The following CNOT9 variants were observed in gnomAD, a reference collection of about 807,000 sequenced individuals.
The protein encoded by CNOT9 is RCD1 required for cell differentiation1 homolog.
In CNOT9, 8 loss-of-function variants were observed where a neutral mutation model predicts 37.4. The ratio of observed to expected loss-of-function variants is 0.21; its 90% CI spans 0.13 to 0.39. CNOT9 has a LOEUF of 0.39. CNOT9 is among the 10% of genes least tolerant of loss of function. The pLI, the probability that CNOT9 is intolerant of heterozygous loss-of-function variation, is 1.00. For missense variants in CNOT9, 154 were observed against 365.3 expected, an observed-to-expected ratio of 0.42 and a Z score of 4.71; for synonymous variants, 120 against 137.6, an observed-to-expected ratio of 0.87 and a Z score of 0.90.
intron 1 of CNOT9, among the ~76,000 whole-genome samples, chr2:218,571,613 C>T (rs1445158763): frequency 6.6e-6 from 1 of 150,548 alleles, no homozygotes; most frequent in Non-Finnish European, 1.5e-5. Context: ...CTCTTGTTGC[C>T]CAGGCTGGTG....
At chr2:218,587,336 T>G in intron 4 of CNOT9, 1 of 483,318 alleles carries the variant, frequency 2.1e-6, no homozygotes, top group Non-Finnish European at 2.8e-6. Context: ...TTGGCCAGGC[T>G]GATCTTGAAC....
Position 218,592,609 on chromosome 2 carries a change from G to A in CNOT9, c.640-7G>A. ...TCCAACCCCTCCCCTTATTTTGGGG[G>A]AAACAGGGTAAGATGGTCCTGCAGC... is the stretch of plus-strand genomic sequence containing the variant. On this transcript the variant is annotated splice_region_variant and splice_polypyrimidine_tract_variant and intron_variant, in intron 6 of 7. Transcript: ENST00000273064. The surrounding 1 kb of genome is among the most constrained non-coding windows in gnomAD (Gnocchi z 4.1). 1 of 1,613,972 alleles carries A rather than the reference G, an allele frequency of 6.2e-7. No individual in the cohort carries two copies. The highest frequency in any genetic ancestry group is 8.5e-7 in the Non-Finnish European group (1 of 1,179,850).
intron 1 of CNOT9, among the ~76,000 whole-genome samples, chr2:218,579,778 C>T (rs946198349): frequency 2.6e-5 from 4 of 152,116 alleles, no homozygotes; most frequent in Admixed American, 6.5e-5. Context: ...TGAGCCACCA[C>T]GCCTGGCCCA....
chr2:218,592,369 G>C lies in CNOT9; in HGVS notation c.606G>C (p.Thr202=). ...CTGGTTTGGCTTATATATGTCAGAC[G>C]TATGAGCGTTTCTCCCATGTTGCCA... ...DDTGLAYICQ[T]YERFSHVAMI... Residue 202 remains threonine, a synonymous_variant, in exon 6 of 8, where the codon ACG becomes ACC. Transcript: ENST00000273064. This position sits in a 1 kb window ranked among gnomAD's most constrained non-coding sequence, Gnocchi z 4.1. 1.2e-6 allele frequency: 2 copies of C among 1,614,040 alleles called. No homozygotes were observed. The highest frequency in any genetic ancestry group is 4.5e-5 in the East Asian group (2 of 44,870).
At chr2:218,576,754 G>A (rs1289921674) in intron 1 of CNOT9, among the ~76,000 whole-genome samples, 1 of 152,154 alleles carries the variant, frequency 6.6e-6, no homozygotes, top group Admixed American at 6.5e-5. Context: ...GATCACTTCA[G>A]GTCAGGAGTT....
intron 3 of CNOT9, 59 bp from the exon 4 acceptor site, chr2:218,584,553 A>G (rs1197204081): frequency 1.5e-5 from 19 of 1,249,132 alleles, no homozygotes; most frequent in Non-Finnish European, 2.2e-5. Flanking sequence ...GAAATTTGAA[A>G]GTTCAGGATC....
chr2:218,589,639 T>C (rs903694258), intron 5 of CNOT9, among the ~76,000 whole-genome samples: 8 of 152,212 alleles, frequency 5.3e-5, no homozygotes, highest in Admixed American at 2.6e-4. Context: ...GACCAATTTA[T>C]TGTTTTTAAA....
At chr2:218,591,875 A>G (rs1274305639) in intron 5 of CNOT9, among the ~76,000 whole-genome samples, 8 of 152,256 alleles carry the variant, frequency 5.3e-5, no homozygotes, top group Non-Finnish European at 1.0e-4. Flanking sequence ...CTTGGATCTC[A>G]GCTGTGCCAT....
chr2:218,575,333 T>C (rs1159208080), intron 1 of CNOT9, among the ~76,000 whole-genome samples: 4 of 152,096 alleles, frequency 2.6e-5, no homozygotes, highest in Admixed American at 2.6e-4. Context: ...GTTTTTGCAG[T>C]TGTGTATTTT....
rs554618063 is a variant in CNOT9 at position 218,585,560 on chromosome 2, G to A, written c.430+839G>A. Among the ~76,000 whole-genome samples the A allele has an allele frequency of 4.6e-5, 6 of 129,798 alleles. 1 individual carries two copies. In the South Asian group the frequency reaches 1.1e-3, roughly 24 times the overall value. 85.2% of individuals were successfully genotyped at this position (129,798 alleles called of 152,430 possible). On this transcript the variant is annotated intron_variant, in intron 4 of 7. Coordinates refer to ENST00000273064, the MANE Select transcript of CNOT9 (RefSeq NM_005444.3). ...CACGCCACTGCACTCCAGCCTGGGC[G>A]GCAGAGGGAGACTCAAAAAAAAAAA...
intron 1 of CNOT9, among the ~76,000 whole-genome samples, chr2:218,569,207 G>A (rs1034474486): frequency 2.0e-5 from 3 of 152,204 alleles, no homozygotes; most frequent in African/African-American, 7.2e-5. Context: ...GTTCTTTGCG[G>A]GCGCCGGGGC....
At chr2:218,581,229 T>C (rs1574989806) in intron 2 of CNOT9, 1 of 232,408 alleles carries the variant, frequency 4.3e-6, no homozygotes. Flanking sequence ...AGTGCAATGG[T>C]GCAATCCCGG....
At chr2:218,585,365 C>T (rs969424370) in intron 4 of CNOT9, among the ~76,000 whole-genome samples, 3 of 152,038 alleles carry the variant, frequency 2.0e-5, no homozygotes, top group African/African-American at 4.8e-5. Flanking sequence ...GTCAGTTCAC[C>T]CAGTTAAATT....
At chr2:218,580,437 G>A (rs1324087665) in intron 1 of CNOT9, 124 bp from the exon 2 acceptor site, 18 of 703,664 alleles carry the variant, frequency 2.6e-5, no homozygotes, top group Non-Finnish European at 3.2e-5. Context: ...GACATCAAAT[G>A]TATGTATTTA....
At position 218,571,553 on chromosome 2, in the gene CNOT9, G is replaced by A. The variant is rs193281021; in HGVS notation, c.24+2575G>A. On this transcript the variant is annotated intron_variant, in intron 1 of 7. Coordinates refer to ENST00000273064, the MANE Select transcript of CNOT9 (RefSeq NM_005444.3). ...AGTAGTCGTATGCTAGAAATGTTTA[G>A]TGTAGTAGGCTTTTGTGATTCTTTT... is the stretch of plus-strand genomic sequence containing the variant. Among the ~76,000 whole-genome samples, 15 of 150,950 alleles carry A rather than the reference G, an allele frequency of 9.9e-5. No homozygotes were observed. The East Asian group carries it at 2.6e-3, about 26-fold the overall frequency.
intron 7 of CNOT9, chr2:218,593,599 A>G: frequency 4.1e-6 from 6 of 1,474,138 alleles, no homozygotes; most frequent in Non-Finnish European, 4.5e-6. Flanking sequence ...ATCTGATAAT[A>G]CTGCTACCAT....
At chr2:218,590,142 A>C (rs192113923) in intron 5 of CNOT9, among the ~76,000 whole-genome samples, 1 of 151,920 alleles carries the variant, frequency 6.6e-6, no homozygotes, top group Admixed American at 6.6e-5. Flanking sequence ...ATCTCGGCTC[A>C]TTGCAACCTC....
chr2:218,578,938 A>T (rs1694271223), intron 1 of CNOT9, among the ~76,000 whole-genome samples: 1 of 152,236 alleles, frequency 6.6e-6, no homozygotes. Context: ...CCTATTAAGT[A>T]TGTATTTCCT....
intron 4 of CNOT9, among the ~76,000 whole-genome samples, chr2:218,586,327 C>T (rs997320002): frequency 6.6e-6 from 1 of 152,098 alleles, no homozygotes; most frequent in Non-Finnish European, 1.5e-5. Context: ...GGACATGGCC[C>T]TCATGAGGTT....
Sources: gnomAD v4.1 joint callset for allele counts (sites outside exome capture counted in the v4.1 genomes callset) on GRCh38, gnomAD v4.1.1 for gene constraint, Gnocchi (gnomAD v3.1) non-coding constraint, MANE v1.5 for transcripts, NCBI Gene and HGNC (gene_info 2026-07-23, HGNC 2026-07-21) for gene names.